SPPL3: variants seen among roughly 807,000 people sequenced by gnomAD.
SPPL3 encodes signal peptide peptidase-like 3.
A neutral mutation model predicts 42.4 loss-of-function variants in SPPL3; 5 were observed. That is an observed-to-expected ratio of 0.12 (90% CI 0.06 to 0.25). The LOEUF (loss-of-function observed/expected upper bound fraction) is 0.25, where lower values mean the gene tolerates loss of function less well. Among genes scored for constraint, SPPL3 ranks in the 10% least tolerant of loss-of-function variants. The pLI, the probability that SPPL3 is intolerant of heterozygous loss-of-function variation, is 1.00. For synonymous variants in SPPL3, 195 were observed against 181.8 expected (o/e 1.07, Z -0.58); for missense variants, 235 against 489.0 (o/e 0.48, Z 4.90).
At chr12:120,884,299 C>T (rs1405605758) in intron 1 of SPPL3, among the ~76,000 whole-genome samples, 1 of 151,882 alleles carries the variant, frequency 6.6e-6, no homozygotes, top group African/African-American at 2.4e-5. Flanking sequence ...AGTTCATGAG[C>T]GTTCATTATG....
intron 2 of SPPL3, among the ~76,000 whole-genome samples, chr12:120,806,531 G>A (rs1200804115): frequency 6.6e-6 from 1 of 152,070 alleles, no homozygotes; most frequent in Non-Finnish European, 1.5e-5. Flanking sequence ...AATGTAAGAA[G>A]CAAAACTATA....
chr12:120,794,797 C>T (rs575933107), intron 2 of SPPL3, among the ~76,000 whole-genome samples: 5 of 152,216 alleles, frequency 3.3e-5, no homozygotes, highest in Admixed American at 2.0e-4. Context: ...CCTACTTGTC[C>T]TATTTTATTT....
chr12:120,883,286 C>T (rs1057400682), intron 1 of SPPL3, among the ~76,000 whole-genome samples: 2 of 152,184 alleles, frequency 1.3e-5, no homozygotes, highest in Non-Finnish European at 2.9e-5. Flanking sequence ...GCCTGGGCGA[C>T]AGAGCAAGAC....
At position 120,796,162 on chromosome 12, in the gene SPPL3, C is replaced by T. The variant is rs78895710; in HGVS notation, c.102-4605G>A. 1.2e-3 allele frequency among the ~76,000 whole-genome samples: 179 copies of T among 152,082 alleles called. 5 individuals carry two copies. The East Asian group carries it at 0.031, about 26-fold the overall frequency. Reference sequence around the variant, plus strand: ...AGGCTAAGGTGGGTGGATCACTTGACGACAGGAGTTTGAAACCAGCCTGGC... The same window carrying T: ...AGGCTAAGGTGGGTGGATCACTTGATGACAGGAGTTTGAAACCAGCCTGGC... On this transcript the variant is annotated intron_variant, in intron 2 of 10. Coordinates refer to ENST00000353487, the MANE Select transcript of SPPL3 (RefSeq NM_139015.5).
chr12:120,882,596 C>T (rs1250507137), intron 1 of SPPL3, among the ~76,000 whole-genome samples: 1 of 152,122 alleles, frequency 6.6e-6, no homozygotes, highest in Non-Finnish European at 1.5e-5. Context: ...AGATTGAATA[C>T]AGTGGTCTCC....
intron 1 of SPPL3, among the ~76,000 whole-genome samples, chr12:120,889,178 A>G (rs1873555714): frequency 6.6e-6 from 1 of 152,184 alleles, no homozygotes; most frequent in African/African-American, 2.4e-5. Context: ...ACACAATGCC[A>G]CAGAAAGGGA....
At chr12:120,821,010 T>G (rs1462130137) in intron 1 of SPPL3, among the ~76,000 whole-genome samples, 1 of 152,166 alleles carries the variant, frequency 6.6e-6, no homozygotes, top group African/African-American at 2.4e-5. Context: ...TATGTTAATA[T>G]TTTATATTTT....
At chr12:120,903,719 C>T (rs1266580003) in intron 1 of SPPL3, 126 bp downstream of exon 1, 1 of 667,432 alleles carries the variant, frequency 1.5e-6, no homozygotes, top group Non-Finnish European at 2.3e-6. Flanking sequence ...GGGGGGCGTG[C>T]ACCCCAACCC....
chr12:120,889,944 T>C (rs1873580496), intron 1 of SPPL3, among the ~76,000 whole-genome samples: 1 of 152,030 alleles, frequency 6.6e-6, no homozygotes, highest in Admixed American at 6.5e-5. Context: ...TCCACCTTAC[T>C]TTGAAAAAAA....
intron 1 of SPPL3, among the ~76,000 whole-genome samples, chr12:120,891,606 G>A (rs1011748120): frequency 6.6e-6 from 1 of 151,976 alleles, no homozygotes; most frequent in African/African-American, 2.4e-5. Context: ...AGTAGTGAGA[G>A]AGAAATATTA....
Position 120,884,808 on chromosome 12 carries a change from G to GGGTTT in SPPL3, c.23+19036_23+19037insAAACC, listed in dbSNP as rs35074232. 5.6e-3 allele frequency among the ~76,000 whole-genome samples: 770 copies of GGGTTT among 137,272 alleles called. 8 individuals carry two copies. Among genetic ancestry groups the GGGTTT allele is most frequent in the Admixed American group, 0.012 (165 of 13,296 alleles). 90.1% of individuals were successfully genotyped at this position (137,272 alleles called of 152,430 possible). On this transcript the variant is annotated intron_variant, in intron 1 of 10. Transcript: ENST00000353487. ...GAGTTTTTTTGGGTTTTTTTTTTGGGTTTTTTTTTTTTTTTGGCTTTCAGA... is the reference window on the plus strand; with the variant it reads ...GAGTTTTTTTGGGTTTTTTTTTTGGGGGTTTTTTTTTTTTTTTTTTGGCTTTCAGA...
At chr12:120,875,322 G>C (rs1392149691) in intron 1 of SPPL3, among the ~76,000 whole-genome samples, 1 of 152,066 alleles carries the variant, frequency 6.6e-6, no homozygotes, top group Non-Finnish European at 1.5e-5. Flanking sequence ...AGGTGAAATA[G>C]TATAACATTA....
chr12:120,840,598 G>A (rs1353723995), intron 1 of SPPL3, among the ~76,000 whole-genome samples: 1 of 152,062 alleles, frequency 6.6e-6, no homozygotes, highest in Non-Finnish European at 1.5e-5. Context: ...TTGGGAGCCC[G>A]AGGCAGGTAG....
At chr12:120,852,166 A>G (rs577321195) in intron 1 of SPPL3, among the ~76,000 whole-genome samples, 207 of 152,140 alleles carry the variant, frequency 1.4e-3, no homozygotes, top group Non-Finnish European at 2.3e-3. Flanking sequence ...TGCTCTGACG[A>G]AAGTGTGCTC....
chr12:120,772,155 G>A (rs1056259118), intron 6 of SPPL3, among the ~76,000 whole-genome samples: 1 of 152,110 alleles, frequency 6.6e-6, no homozygotes, highest in African/African-American at 2.4e-5. Context: ...CCGAGTAGCC[G>A]GGATTACAGG....
intron 1 of SPPL3, among the ~76,000 whole-genome samples, chr12:120,883,856 C>T (rs925784646): frequency 1.3e-5 from 2 of 151,328 alleles, no homozygotes; most frequent in Non-Finnish European, 2.9e-5. Context: ...AATACCAACA[C>T]TTTGGGAGGC....
intron 6 of SPPL3, among the ~76,000 whole-genome samples, chr12:120,771,947 C>T (rs1458216125): frequency 2.0e-5 from 3 of 152,220 alleles, no homozygotes; most frequent in African/African-American, 7.2e-5. Flanking sequence ...ATGGAAAATC[C>T]ATCCTCATTC....
intron 1 of SPPL3, among the ~76,000 whole-genome samples, chr12:120,853,908 G>A (rs1034347107): frequency 6.7e-6 from 1 of 150,324 alleles, no homozygotes; most frequent in Non-Finnish European, 1.5e-5. Flanking sequence ...ATTTGGAATA[G>A]CAAAAAACAA....
chr12:120,862,565 G>A (rs1192784169), intron 1 of SPPL3, among the ~76,000 whole-genome samples: 2 of 152,156 alleles, frequency 1.3e-5, no homozygotes, highest in East Asian at 1.9e-4. Flanking sequence ...TTATTATAAA[G>A]GATACAACTC....
Sources: gnomAD v4.1 joint callset for allele counts (sites outside exome capture counted in the v4.1 genomes callset) on GRCh38, gnomAD v4.1.1 for gene constraint, MANE v1.5 for transcripts, NCBI Gene and HGNC (gene_info 2026-07-23, HGNC 2026-07-21) for gene names.